Variants in SORCS2 observed in about 807,000 individuals in gnomAD.
The protein encoded by SORCS2 is sortilin related VPS10 domain containing receptor 2.
A neutral mutation model predicts 141.6 loss-of-function variants in SORCS2; 100 were observed. That is an observed-to-expected ratio of 0.71 (90% CI 0.60 to 0.83). The LOEUF (loss-of-function observed/expected upper bound fraction) is 0.83, where lower values mean the gene tolerates loss of function less well. Among genes scored for constraint, SORCS2 ranks in the 40% least tolerant of loss-of-function variants. The probability of loss-of-function intolerance (pLI) is 0.00; values close to 1 mark genes in which losing one functional copy is unlikely to be tolerated. For missense variants in SORCS2, 1,646 were observed against 1,560.2 expected (o/e 1.05, Z -0.93); for synonymous variants, 789 against 676.9 (o/e 1.17, Z -2.57).
At chr4:7,486,364 G>A (rs1730984740) in intron 2 of SORCS2, among the ~76,000 whole-genome samples, 1 of 152,262 alleles carries the variant, frequency 6.6e-6, no homozygotes, top group South Asian at 2.1e-4. Context: ...TGGACAGATG[G>A]AGGGGTCTTC....
intron 12 of SORCS2, among the ~76,000 whole-genome samples, chr4:7,699,589 C>T (rs755090778): frequency 1.3e-4 from 20 of 152,254 alleles, no homozygotes; most frequent in Middle Eastern, 3.4e-3. Flanking sequence ...CCATCTCTCT[C>T]GGGGGACCCC....
intron 3 of SORCS2, among the ~76,000 whole-genome samples, chr4:7,540,921 C>T (rs555266832): frequency 3.3e-5 from 5 of 152,318 alleles, no homozygotes; most frequent in East Asian, 3.9e-4. Context: ...CCAAGGGAAC[C>T]GGCCAGCGCC....
chr4:7,196,134 T>C (rs1727153863), intron 1 of SORCS2, among the ~76,000 whole-genome samples: 1 of 152,212 alleles, frequency 6.6e-6, no homozygotes. Flanking sequence ...GAAGGGGACT[T>C]GCTTGGAAGT....
intron 1 of SORCS2, among the ~76,000 whole-genome samples, chr4:7,196,816 G>A (rs917323665): frequency 6.6e-6 from 1 of 152,150 alleles, no homozygotes; most frequent in Non-Finnish European, 1.5e-5. Flanking sequence ...GAGAGCTAGA[G>A]CTACACATCA....
At chr4:7,649,457 C>T (rs1721298361) in intron 4 of SORCS2, among the ~76,000 whole-genome samples, 1 of 152,066 alleles carries the variant, frequency 6.6e-6, no homozygotes, top group Admixed American at 6.5e-5. Flanking sequence ...TGCTCTGCAG[C>T]TGCAGGACCG....
chr4:7,546,142 G>A (rs1713244967), intron 3 of SORCS2, among the ~76,000 whole-genome samples: 1 of 152,126 alleles, frequency 6.6e-6, no homozygotes, highest in Non-Finnish European at 1.5e-5. Flanking sequence ...GAACTGGGGA[G>A]GAATACAACA....
chr4:7,348,853 G>A (rs748921400), intron 1 of SORCS2, among the ~76,000 whole-genome samples: 2 of 152,174 alleles, frequency 1.3e-5, no homozygotes, highest in African/African-American at 2.4e-5. Flanking sequence ...GCACCAGGCC[G>A]AATCTTGTGT....
chr4:7,416,448 A>G (rs1725674075), intron 2 of SORCS2, among the ~76,000 whole-genome samples: 1 of 152,148 alleles, frequency 6.6e-6, no homozygotes, highest in Non-Finnish European at 1.5e-5. Flanking sequence ...TCCCACTCCC[A>G]CTGATGCCCT....
chr4:7,547,975 A>G (rs768636834), intron 3 of SORCS2, among the ~76,000 whole-genome samples: 9 of 152,248 alleles, frequency 5.9e-5, no homozygotes, highest in Non-Finnish European at 1.2e-4. Flanking sequence ...GCAGGCCAAC[A>G]TCTGTGGATT....
chr4:7,661,898 C>T (rs1311887019), intron 6 of SORCS2, among the ~76,000 whole-genome samples: 2 of 152,112 alleles, frequency 1.3e-5, no homozygotes, highest in Non-Finnish European at 2.9e-5. Context: ...GTGTGCACAC[C>T]GGACCCAGCC....
At chr4:7,692,894 A>G (rs1439901173) in intron 11 of SORCS2, among the ~76,000 whole-genome samples, 1 of 152,196 alleles carries the variant, frequency 6.6e-6, no homozygotes, top group African/African-American at 2.4e-5. Context: ...GCCCATCCTC[A>G]GGTCCAGCCT....
chr4:7,304,458 C>T (rs536081317), intron 1 of SORCS2, among the ~76,000 whole-genome samples: 28 of 152,268 alleles, frequency 1.8e-4, no homozygotes, highest in East Asian at 1.2e-3. Flanking sequence ...GAGGCGGATG[C>T]GGGTGGGTCG....
At chr4:7,470,662 G>A (rs906117958) in intron 2 of SORCS2, among the ~76,000 whole-genome samples, 13 of 152,000 alleles carry the variant, frequency 8.6e-5, no homozygotes, top group South Asian at 6.2e-4. Context: ...TGATCTGGGC[G>A]ATGATTGGAG....
intron 1 of SORCS2, among the ~76,000 whole-genome samples, chr4:7,243,085 C>T (rs1016041815): frequency 3.0e-4 from 46 of 152,262 alleles, no homozygotes; most frequent in African/African-American, 9.9e-4. Flanking sequence ...GAGGTGCTGA[C>T]CCCACCCCAC....
chr4:7,282,565 A>C (rs1465793353), intron 1 of SORCS2, among the ~76,000 whole-genome samples: 1 of 152,184 alleles, frequency 6.6e-6, no homozygotes, highest in African/African-American at 2.4e-5. Context: ...AGATCTGAGA[A>C]TCTATTCTTA....
chr4:7,311,475 T>G (rs1052857215), intron 1 of SORCS2, among the ~76,000 whole-genome samples: 2 of 152,114 alleles, frequency 1.3e-5, no homozygotes, highest in African/African-American at 4.8e-5. Flanking sequence ...ATGTTTAGGT[T>G]TTTCAAAGAC....
chr4:7,702,633 G>A (rs1167812839), intron 12 of SORCS2, among the ~76,000 whole-genome samples: 1 of 152,246 alleles, frequency 6.6e-6, no homozygotes, highest in African/African-American at 2.4e-5. Context: ...TGTCCCTTGG[G>A]GATCTGGTGG....
At chr4:7,549,002 T>C (rs2109623390) in intron 3 of SORCS2, among the ~76,000 whole-genome samples, 1 of 152,212 alleles carries the variant, frequency 6.6e-6, no homozygotes, top group South Asian at 2.1e-4. Context: ...GGTCGCATGT[T>C]ATCCATAGAA....
intron 2 of SORCS2, among the ~76,000 whole-genome samples, chr4:7,453,244 G>T (rs1577588651): frequency 3.1e-5 from 4 of 131,010 alleles, no homozygotes; most frequent in Admixed American, 7.5e-5. Flanking sequence ...GTGTGTTGGG[G>T]TCAGGTGCTG....
Sources: gnomAD v4.1 joint callset for allele counts (sites outside exome capture counted in the v4.1 genomes callset) on GRCh38, gnomAD v4.1.1 for gene constraint, MANE v1.5 for transcripts, NCBI Gene and HGNC (gene_info 2026-07-23, HGNC 2026-07-21) for gene names.